The following NCSTN variants were observed in gnomAD, a reference collection of about 807,000 sequenced individuals.
NCSTN encodes nicastrin.
A neutral mutation model predicts 87.0 loss-of-function variants in NCSTN; 22 were observed. That is an observed-to-expected ratio of 0.25 (90% CI 0.18 to 0.36). The LOEUF (loss-of-function observed/expected upper bound fraction) is 0.36, where lower values mean the gene tolerates loss of function less well. Ranked by LOEUF, NCSTN falls within the 10% of genes least tolerant of loss-of-function variation. The probability of loss-of-function intolerance (pLI) is 1.00; values close to 1 mark genes in which losing one functional copy is unlikely to be tolerated. For missense variants in NCSTN, 693 were observed against 883.3 expected (o/e 0.78, Z 2.73); for synonymous variants, 306 against 327.1 (o/e 0.94, Z 0.69).
In NCSTN at chr1:160,354,232, C is replaced by G; in HGVS notation, c.1294C>G (p.Arg432Gly). 6.2e-7 allele frequency: 1 copy of G among 1,614,170 alleles called. No individual in the cohort carries two copies. Among genetic ancestry groups the G allele is most frequent in the Non-Finnish European group, 8.5e-7 (1 of 1,180,040 alleles). Reference sequence around the variant, plus strand: ...ACCATCTTCCCTGCAGCGATTTCTTCGAGCTCGAAACATCTCTGGCGTTGT... The same window carrying G: ...ACCATCTTCCCTGCAGCGATTTCTTGGAGCTCGAAACATCTCTGGCGTTGT... ...LPPSSLQRFL[R>G]ARNISGVVLA... Residue 432 changes from arginine (R) to glycine (G), a missense_variant, in exon 11 of 17, where the codon CGA (arginine) becomes GGA (glycine). Arg to Gly is a moderately radical substitution (Grantham distance 125, BLOSUM62 -2). Transcript: ENST00000294785.
chr1:160,354,255 T>C lies in NCSTN; in HGVS notation c.1317T>C (p.Val439=), dbSNP rs1418237959. 2 of 1,614,204 alleles carry C rather than the reference T, an allele frequency of 1.2e-6. No homozygotes were observed. The highest frequency in any genetic ancestry group is 4.5e-5 in the East Asian group (2 of 44,884). ...TTCGAGCTCGAAACATCTCTGGCGTTGTTCTGGCTGACCACTCTGGTGCCT... is the reference window on the plus strand; with the variant it reads ...TTCGAGCTCGAAACATCTCTGGCGTCGTTCTGGCTGACCACTCTGGTGCCT... ...RFLRARNISG[V]VLADHSGAFH... is the part of the protein sequence containing the mutation. The change falls in exon 11 of 17, where the codon GTT becomes GTC. Residue 439 remains valine, a synonymous_variant. Transcript: ENST00000294785.
intron 10 of NCSTN, 133 bp from the exon 11 acceptor site, chr1:160,353,985 G>A: frequency 1.0e-6 from 1 of 995,808 alleles, no homozygotes; most frequent in South Asian, 1.5e-5. Flanking sequence ...AGGCTTGAGG[G>A]ATAAAGGTCT....
rs928679458 is a variant in NCSTN, at chr1:160,358,157, C to T, written c.2016C>T (p.Thr672=). ...CCTCCCTCCCCCTGCAGTTGATCACCCTGACAGTGGGCTTCGGCATCCTCA... is the reference window on the plus strand; with the variant it reads ...CCTCCCTCCCCCTGCAGTTGATCACTCTGACAGTGGGCTTCGGCATCCTCA... ...LIASKELELI[T]LTVGFGILIF... The change falls in exon 17 of 17, where the codon ACC becomes ACT. Residue 672 remains threonine, a synonymous_variant. Transcript: ENST00000294785. 3.7e-6 allele frequency: 6 copies of T among 1,614,022 alleles called. No individual in the cohort carries two copies. The highest frequency in any genetic ancestry group is 5.1e-6 in the Non-Finnish European group (6 of 1,180,028).
intron 1 of NCSTN, 120 bp from the exon 2 acceptor site, chr1:160,344,602 C>G (rs1295721548): frequency 1.3e-6 from 2 of 1,554,390 alleles, no homozygotes; most frequent in Non-Finnish European, 8.7e-7. Flanking sequence ...GGACTTTAAT[C>G]TCATTTTAGA....
chr1:160,347,410 T>A (rs1327163685), intron 2 of NCSTN, among the ~76,000 whole-genome samples: 2 of 152,222 alleles, frequency 1.3e-5, no homozygotes, highest in Non-Finnish European at 2.9e-5. Flanking sequence ...CCTCCCTCCC[T>A]CCTTCTATCC....
At chr1:160,345,926 G>C (rs1279757083) in intron 2 of NCSTN, among the ~76,000 whole-genome samples, 1 of 114,024 alleles carries the variant, frequency 8.8e-6, no homozygotes, top group Non-Finnish European at 1.7e-5. Flanking sequence ...GTGACAGAGT[G>C]AGACACTGTC....
chr1:160,345,940 A>G (rs1648462626), intron 2 of NCSTN, among the ~76,000 whole-genome samples: 1 of 141,378 alleles, frequency 7.1e-6, no homozygotes, highest in East Asian at 2.0e-4. Flanking sequence ...CACTGTCTGA[A>G]AAAAAAAAAA....
chr1:160,358,143 C>G lies in NCSTN; in HGVS notation c.2008-6C>G, dbSNP rs769795228. On this transcript the variant is annotated splice_region_variant and splice_polypyrimidine_tract_variant and intron_variant, in intron 16 of 16. Coordinates refer to ENST00000294785, the MANE Select transcript of NCSTN (RefSeq NM_015331.3). ...TTGTCCTTTCCTGCCCTCCCTCCCC[C>G]TGCAGTTGATCACCCTGACAGTGGG... 1 of 1,614,206 alleles carries G rather than the reference C, an allele frequency of 6.2e-7. No individual in the cohort carries two copies. Among genetic ancestry groups the G allele is most frequent in the Non-Finnish European group, 8.5e-7 (1 of 1,180,040 alleles).
intron 1 of NCSTN, chr1:160,343,708 C>T (rs906188312): frequency 5.7e-6 from 4 of 707,428 alleles, no homozygotes; most frequent in African/African-American, 5.3e-5. Flanking sequence ...CTCTAGGCCT[C>T]TTCCTGGACT....
chr1:160,349,481 T>A (rs1180101178), intron 3 of NCSTN, 68 bp from the exon 4 acceptor site: 2 of 1,602,212 alleles, frequency 1.2e-6, no homozygotes, highest in Non-Finnish European at 8.6e-7. Context: ...GTTTCCATCC[T>A]GCAGGCAGAA....
chr1:160,356,938 C>T lies in NCSTN; in HGVS notation c.1795-103C>T, dbSNP rs1649160818. On this transcript the variant is annotated intron_variant, in intron 15 of 16. Coordinates refer to ENST00000294785, the MANE Select transcript of NCSTN (RefSeq NM_015331.3). ...CATCTGAAGGGTAAAGGGACAGCAG[C>T]CAGTTAGCTCAATTGGTTAGAGCAT... 8 of 1,375,230 alleles carry T rather than the reference C, an allele frequency of 5.8e-6. No homozygotes were observed. In the Admixed American group the frequency reaches 1.0e-4, roughly 17 times the overall value. The allele number at this position is 1,375,230 out of a possible 1,614,324, so 85.2% of individuals were successfully genotyped here.
rs746071192 is a variant in NCSTN at position 160,349,639 on chromosome 1, T to C, written c.405T>C (p.Ser135=). 1 of 1,614,134 alleles carries C rather than the reference T, an allele frequency of 6.2e-7. No homozygotes were observed. The change falls in exon 4 of 17, where the codon TCT becomes TCC. Residue 135 remains serine, a synonymous_variant. Coordinates refer to ENST00000294785, the MANE Select transcript of NCSTN (RefSeq NM_015331.3). ...AGCCCAGTCCTGCCTCAGGCTTCTC[T>C]CCTAGTGTACAGTGCCCAAATGATG... ...LTKPSPASGF[S]PSVQCPNDGF...
intron 16 of NCSTN, among the ~76,000 whole-genome samples, chr1:160,357,878 G>T (rs781025369): frequency 1.3e-5 from 2 of 152,162 alleles, no homozygotes; most frequent in Non-Finnish European, 2.9e-5. Context: ...TGTAAGTGCC[G>T]CAAGGGAACC....
In NCSTN at chr1:160,351,293, T is replaced by A. The variant is rs370679336; in HGVS notation, c.654T>A (p.Phe218Leu). ...TCCCACTATGTGCCATGCAGCTCTTTTCACACATGCATGCTGTCATCAGCA... is the reference window on the plus strand; with the variant it reads ...TCCCACTATGTGCCATGCAGCTCTTATCACACATGCATGCTGTCATCAGCA... ...PTFPLCAMQL[F>L]SHMHAVISTA... Residue 218 changes from phenylalanine to leucine, a missense_variant, in exon 6 of 17, where the codon TTT (phenylalanine) becomes TTA (leucine). Physicochemically the swap from Phe to Leu is conservative, Grantham distance 22 (BLOSUM62 0). This residue lies in a region of NCSTN where 134 missense variants were observed against 226.0 expected (regional missense o/e 0.59). Transcript: ENST00000294785. 1 of 1,614,024 alleles carries A rather than the reference T, an allele frequency of 6.2e-7. No homozygotes were observed. Among genetic ancestry groups the A allele is most frequent in the Non-Finnish European group, 8.5e-7 (1 of 1,180,012 alleles).
At position 160,354,107 on chromosome 1, in the gene NCSTN, G is replaced by A. The variant is rs570031384; in HGVS notation, c.1180-11G>A. ...AGCCTCCCATCAGTTAATCTCCCTCGTACCCCCCAGGTGGAGGATCTCCTG... is the reference window on the plus strand; with the variant it reads ...AGCCTCCCATCAGTTAATCTCCCTCATACCCCCCAGGTGGAGGATCTCCTG... On this transcript the variant is annotated splice_polypyrimidine_tract_variant and intron_variant, in intron 10 of 16. Transcript: ENST00000294785. 27 of 1,613,498 alleles carry A rather than the reference G, an allele frequency of 1.7e-5. No homozygotes were observed. The highest frequency in any genetic ancestry group is 1.3e-4 in the East Asian group (6 of 44,862).
At chr1:160,356,460 C>G (rs889394860) in intron 14 of NCSTN, 113 bp downstream of exon 14, 27 of 1,417,662 alleles carry the variant, frequency 1.9e-5, no homozygotes, top group Non-Finnish European at 2.3e-5. Context: ...TTTCTTACCC[C>G]CTGTTTTCCT....
intron 2 of NCSTN, among the ~76,000 whole-genome samples, chr1:160,345,611 G>A (rs887139454): frequency 2.0e-5 from 3 of 152,180 alleles, no homozygotes; most frequent in African/African-American, 7.2e-5. Flanking sequence ...TGGGCTAAAG[G>A]CAATGAACTA....
rs200800006 is a variant in NCSTN at position 160,352,102 on chromosome 1, G to T, written c.892G>T (p.Ala298Ser). The T allele has an allele frequency of 3.1e-6, 5 of 1,614,128 alleles. No homozygotes were observed. The South Asian group carries it at 3.3e-5, about 11-fold the overall frequency. Residue 298 changes from alanine (A) to serine (S), a missense_variant, in exon 8 of 17, where the codon GCA (alanine) becomes TCA (serine). Ala to Ser is a moderately conservative substitution (Grantham distance 99). Transcript: ENST00000294785. The part of the protein sequence containing the change: ...FWNVAPGAES[A>S]VASFVTQLAA... ...GAATGTGGCCCCAGGGGCTGAAAGC[G>T]CAGTGGCTTCCTTTGTCACCCAGCT...
intron 2 of NCSTN, 135 bp downstream of exon 2, chr1:160,344,961 G>T: frequency 1.3e-6 from 1 of 772,376 alleles, no homozygotes. Context: ...ATAACCGTCT[G>T]TCAAGCTAGG....
Sources: gnomAD v4.1 joint callset for allele counts (sites outside exome capture counted in the v4.1 genomes callset) on GRCh38, gnomAD v4.1.1 for gene constraint, gnomAD v4.1.1 regional missense constraint, MANE v1.5 for transcripts, NCBI Gene and HGNC (gene_info 2026-07-23, HGNC 2026-07-21) for gene names.